OTOG: variants seen among roughly 807,000 people sequenced by gnomAD.
OTOG encodes the protein otogelin.
In OTOG, 296 loss-of-function variants were observed where a neutral mutation model predicts 313.8. The observed-to-expected ratio is 0.94, with a 90% confidence interval of 0.86 to 1.04. The LOEUF (loss-of-function observed/expected upper bound fraction) is 1.04, where lower values mean the gene tolerates loss of function less well. OTOG is among the 50% of genes least tolerant of loss of function. The pLI is 0.00. For missense variants in OTOG, 3,948 were observed against 3,840.1 expected (o/e 1.03, Z -0.74); for synonymous variants, 1,533 against 1,554.9 (o/e 0.99, Z 0.33).
At position 17,608,380 on chromosome 11, in the gene OTOG, A is replaced by G. The variant is rs751518143; in HGVS notation, c.4241A>G (p.Asp1414Gly). The G allele has an allele frequency of 6.5e-6, 10 of 1,545,924 alleles. No homozygotes were observed. In the South Asian group the frequency reaches 1.2e-4, roughly 19 times the overall value. The change falls in exon 34 of 56, where the codon GAC becomes GGC. Residue 1414 changes from aspartate to glycine, a missense_variant. Coordinates refer to ENST00000399397, the MANE Select transcript of OTOG (RefSeq NM_001292063.2). ...AGCCCCTGCTTCCAAACCTGCCGGG[A>G]CCCACGGGCAGCCAGCTGCCGGGAC... ...CASPCFQTCR[D>G]PRAASCRDVP... is the part of the protein sequence containing the mutation.
At chr11:17,580,952 G>C (rs558235072) in intron 23 of OTOG, among the ~76,000 whole-genome samples, 79 of 152,264 alleles carry the variant, frequency 5.2e-4, no homozygotes, top group African/African-American at 1.8e-3. Context: ...AATGATAATG[G>C]GGTAAAAAGG....
intron 39 of OTOG, among the ~76,000 whole-genome samples, chr11:17,618,584 T>G (rs974085015): frequency 4.6e-5 from 7 of 152,280 alleles, no homozygotes; most frequent in Non-Finnish European, 1.0e-4. Context: ...GATAGTGTTG[T>G]TCAAGCCTTC....
rs754169654 is a variant in OTOG, at chr11:17,641,824, G to A, written c.8191-23G>A. The A allele has an allele frequency of 2.6e-6, 4 of 1,528,558 alleles. No individual in the cohort carries two copies. In the South Asian group the frequency reaches 4.9e-5, roughly 19 times the overall value. 94.7% of individuals were successfully genotyped at this position (1,528,558 alleles called of 1,614,324 possible). A position where few individuals can be genotyped will look rare whatever the true frequency, so the allele number is the denominator to read the frequency against. On this transcript the variant is annotated intron_variant, in intron 51 of 55. Transcript: ENST00000399397. ...GGGTGGAGGTGGGCATCTGGCTGAG[G>A]CCCACCCCGCCCTGGCCTGTAGAAC...
intron 31 of OTOG, 143 bp downstream of exon 31, chr11:17,599,840 A>G: frequency 2.0e-6 from 2 of 984,976 alleles, no homozygotes; most frequent in Admixed American, 4.3e-5. Flanking sequence ...CATCATGCAG[A>G]GAGAGCCCTG....
At chr11:17,548,277 GGCAGGGA>G in intron 3 of OTOG, 65 bp downstream of exon 3, 1 of 1,401,468 alleles carries the variant, frequency 7.1e-7, no homozygotes, top group Non-Finnish European at 9.6e-7. Context: ...ATCTGAGGCT[GGCAGGGA>G]GCTCTGTAGG....
chr11:17,561,643 G>A lies in OTOG; in HGVS notation c.1499-19G>A. 1.3e-6 allele frequency: 2 copies of A among 1,550,514 alleles called. No individual in the cohort carries two copies. The highest frequency in any genetic ancestry group is 1.7e-6 in the Non-Finnish European group (2 of 1,146,954). ...CTGGGGCGGCTCCCATGGGTCAGTG[G>A]CCTTTTTCTACCTCTCAGCTGAGTG... On this transcript the variant is annotated intron_variant, in intron 14 of 55. Coordinates refer to ENST00000399397, the MANE Select transcript of OTOG (RefSeq NM_001292063.2).
intron 39 of OTOG, among the ~76,000 whole-genome samples, chr11:17,615,687 T>C (rs1853701999): frequency 6.6e-6 from 1 of 152,192 alleles, no homozygotes; most frequent in Non-Finnish European, 1.5e-5. Flanking sequence ...TCTCAGCAGT[T>C]TGGGAGGCCG....
chr11:17,599,593 T>A, intron 30 of OTOG, 78 bp from the exon 31 acceptor site: 1 of 1,490,746 alleles, frequency 6.7e-7, no homozygotes, highest in Non-Finnish European at 9.2e-7. Context: ...GAGGCTGGGA[T>A]GCTGGGAGCC....
At chr11:17,630,230 C>T (rs908680091) in intron 40 of OTOG, among the ~76,000 whole-genome samples, 12 of 152,190 alleles carry the variant, frequency 7.9e-5, no homozygotes, top group Non-Finnish European at 1.6e-4. Context: ...ACACTTCTTA[C>T]ACACATGCCA....
At chr11:17,587,498 G>A (rs1852824108) in intron 24 of OTOG, among the ~76,000 whole-genome samples, 1 of 152,218 alleles carries the variant, frequency 6.6e-6, no homozygotes, top group Non-Finnish European at 1.5e-5. Flanking sequence ...CAGCAGAGAA[G>A]CTCAGAGAGG....
rs1030810170 is a variant in OTOG at position 17,561,642 on chromosome 11, G to T, written c.1499-20G>T. On this transcript the variant is annotated intron_variant, in intron 14 of 55. Transcript: ENST00000399397. ...CCTGGGGCGGCTCCCATGGGTCAGT[G>T]GCCTTTTTCTACCTCTCAGCTGAGT... 9 of 1,550,500 alleles carry T rather than the reference G, an allele frequency of 5.8e-6. No individual in the cohort carries two copies. The highest frequency in any genetic ancestry group is 7.8e-6 in the Non-Finnish European group (9 of 1,146,962).
intron 18 of OTOG, 80 bp downstream of exon 18, chr11:17,572,284 C>G: frequency 6.6e-7 from 1 of 1,516,530 alleles, no homozygotes; most frequent in Non-Finnish European, 8.9e-7. Flanking sequence ...AAGGGAACTC[C>G]GGGCAGGAGA....
chr11:17,619,820 C>T (rs1300383358), intron 39 of OTOG, among the ~76,000 whole-genome samples: 2 of 152,070 alleles, frequency 1.3e-5, no homozygotes, highest in African/African-American at 4.8e-5. Flanking sequence ...TATATTTAAC[C>T]ACATATTTAC....
chr11:17,606,407 G>A (rs918599593), intron 33 of OTOG, among the ~76,000 whole-genome samples: 1 of 152,246 alleles, frequency 6.6e-6, no homozygotes, highest in African/African-American at 2.4e-5. Context: ...TAAAAATATA[G>A]CAGCCTTTGT....
chr11:17,602,274 G>T lies in OTOG; in HGVS notation c.3774G>T (p.Lys1258Asn). ...CCGGTGGTGCTCTGGTGGGCATGAA[G>T]GCGGTGGGCGATGACATAGTCCTAG... ...LAAGGALVGM[K>N]AVGDDIVLVR... is the part of the protein sequence containing the mutation. Residue 1258 changes from lysine (K) to asparagine (N), a missense_variant, in exon 32 of 56, where the codon AAG becomes AAT. Physicochemically the swap from Lys to Asn is moderately conservative, Grantham distance 94. Coordinates refer to ENST00000399397, the MANE Select transcript of OTOG (RefSeq NM_001292063.2). 1 of 1,550,618 alleles carries T rather than the reference G, an allele frequency of 6.4e-7. No homozygotes were observed. Among genetic ancestry groups the T allele is most frequent in the African/African-American group, 1.4e-5 (1 of 73,176 alleles).
chr11:17,621,862 C>A (rs1013061483), intron 39 of OTOG, among the ~76,000 whole-genome samples: 1 of 152,140 alleles, frequency 6.6e-6, no homozygotes, highest in Non-Finnish European at 1.5e-5. Context: ...TATATTTTGT[C>A]AGTTTGTTTG....
rs1017600182 is a variant in OTOG at position 17,633,145 on chromosome 11, T to C, written c.7073-535T>C. Among the ~76,000 whole-genome samples the C allele has an allele frequency of 1.3e-4, 20 of 152,266 alleles. 1 individual carries two copies. Among genetic ancestry groups the C allele is most frequent in the Admixed American group, 1.2e-3 (19 of 15,300 alleles). ...AGAGATTCAATTGGCCTGGGGTGGG[T>C]TCCCCACAATGATACCTCAAAAACT... On this transcript the variant is annotated intron_variant, in intron 42 of 55. Transcript: ENST00000399397.
At chr11:17,645,444 G>A in intron 54 of OTOG, 120 bp from the exon 55 acceptor site, 1 of 886,050 alleles carries the variant, frequency 1.1e-6, no homozygotes, top group Non-Finnish European at 1.7e-6. Context: ...CTAATGCATG[G>A]GTGCTAATGC....
chr11:17,644,969 G>T (rs1056963832), intron 54 of OTOG, among the ~76,000 whole-genome samples: 2 of 152,170 alleles, frequency 1.3e-5, no homozygotes, highest in Non-Finnish European at 2.9e-5. Context: ...CACAAGACTG[G>T]TTGTCTGTGA....
Sources: allele counts gnomAD v4.1 joint callset (sites outside exome capture counted in the v4.1 genomes callset), GRCh38; gene constraint gnomAD v4.1.1; transcripts MANE v1.5; gene names NCBI Gene and HGNC (gene_info 2026-07-23, HGNC 2026-07-21).